Variants in PTPRT observed in about 807,000 individuals in gnomAD.
The protein encoded by PTPRT is protein tyrosine phosphatase receptor type T, also known as receptor-type tyrosine-protein phosphatase T.
Under a neutral mutation model 176.8 loss-of-function variants are expected in PTPRT, and 56 were observed. The ratio of observed to expected loss-of-function variants is 0.32; its 90% CI spans 0.26 to 0.40. The LOEUF (loss-of-function observed/expected upper bound fraction) is 0.40, where lower values mean the gene tolerates loss of function less well. Among genes scored for constraint, PTPRT ranks in the 10% least tolerant of loss-of-function variants. The pLI, the probability that PTPRT is intolerant of heterozygous loss-of-function variation, is 1.00. For missense variants in PTPRT, 1,540 were observed against 1,908.2 expected (o/e 0.81, Z 3.60); for synonymous variants, 783 against 739.0 (o/e 1.06, Z -0.96).
chr20:42,691,578 G>A (rs558359444), intron 6 of PTPRT, among the ~76,000 whole-genome samples: 59 of 152,250 alleles, frequency 3.9e-4, no homozygotes, highest in African/African-American at 1.4e-3. Flanking sequence ...GAGTTTAAGA[G>A]ATGACACCCT....
intron 15 of PTPRT, among the ~76,000 whole-genome samples, chr20:42,216,299 T>C (rs1362694086): frequency 6.6e-6 from 1 of 152,192 alleles, no homozygotes; most frequent in Admixed American, 6.5e-5. Context: ...TGCTAGACTA[T>C]AACCACAAGG....
chr20:42,823,001 C>G (rs1324493257), intron 2 of PTPRT, among the ~76,000 whole-genome samples: 2 of 152,044 alleles, frequency 1.3e-5, no homozygotes, highest in Non-Finnish European at 2.9e-5. Flanking sequence ...GATCTAGAGC[C>G]AGAAATACCA....
intron 7 of PTPRT, among the ~76,000 whole-genome samples, chr20:42,542,625 T>C (rs985061069): frequency 6.6e-6 from 1 of 152,202 alleles, no homozygotes; most frequent in Non-Finnish European, 1.5e-5. Context: ...CTATGGAAAT[T>C]ACATCTGCAA....
chr20:43,169,078 C>T (rs2014928630), intron 1 of PTPRT, among the ~76,000 whole-genome samples: 1 of 152,122 alleles, frequency 6.6e-6, no homozygotes, highest in Non-Finnish European at 1.5e-5. Flanking sequence ...GGTTTCAGGC[C>T]TTGCCCCAAC....
chr20:42,766,132 T>C (rs1460062133), intron 5 of PTPRT, among the ~76,000 whole-genome samples: 1 of 152,204 alleles, frequency 6.6e-6, no homozygotes, highest in Admixed American at 6.5e-5. Flanking sequence ...TGAATGTCAT[T>C]TTTTAAATGG....
At chr20:43,112,330 G>C (rs916560829) in intron 1 of PTPRT, among the ~76,000 whole-genome samples, 1 of 152,160 alleles carries the variant, frequency 6.6e-6, no homozygotes, top group Non-Finnish European at 1.5e-5. Context: ...CTATTGATGA[G>C]GGACTGCATT....
chr20:42,271,626 G>A (rs968614794), intron 13 of PTPRT, among the ~76,000 whole-genome samples: 1 of 152,176 alleles, frequency 6.6e-6, no homozygotes, highest in African/African-American at 2.4e-5. Flanking sequence ...ATGAAGAAAT[G>A]TTGAATCATA....
intron 11 of PTPRT, among the ~76,000 whole-genome samples, chr20:42,344,823 T>G (rs903724616): frequency 2.2e-4 from 34 of 152,156 alleles, no homozygotes; most frequent in African/African-American, 7.5e-4. Context: ...TCTCTCCTCA[T>G]CTCTCTGTCC....
intron 1 of PTPRT, among the ~76,000 whole-genome samples, chr20:42,886,896 G>A (rs2079112065): frequency 1.3e-5 from 2 of 152,292 alleles, no homozygotes; most frequent in Middle Eastern, 3.4e-3. Flanking sequence ...ATCTCCATGG[G>A]CGGAGGGCAG....
At position 42,075,423 on chromosome 20, in the gene PTPRT, C is replaced by T; in HGVS notation, c.*5456G>A. On this transcript the variant is annotated 3_prime_UTR_variant, in exon 31 of 31. Coordinates refer to ENST00000373187, the MANE Select transcript of PTPRT (RefSeq NM_007050.6). ...GTTGACATGACTTAGGAACAGCGTC[C>T]TGTTCATGCTTCCTCTTGGGCTCAC... is the stretch of plus-strand genomic sequence containing the variant. The T allele has an allele frequency of 4.4e-6, 1 of 227,332 alleles. No homozygotes were observed. Among genetic ancestry groups the T allele is most frequent in the Non-Finnish European group, 8.7e-6 (1 of 114,346 alleles). The allele number at this position is 227,332 out of a possible 1,614,324, so 14.1% of individuals were successfully genotyped here. A position where few individuals can be genotyped will look rare whatever the true frequency, so the allele number is the denominator to read the frequency against.
intron 6 of PTPRT, among the ~76,000 whole-genome samples, chr20:42,727,799 T>G (rs944778896): frequency 2.6e-5 from 4 of 152,190 alleles, no homozygotes; most frequent in African/African-American, 9.6e-5. Context: ...TTAAAACCTT[T>G]TAATGGTCTC....
chr20:42,472,003 T>C (rs934547132), intron 8 of PTPRT, among the ~76,000 whole-genome samples: 8 of 152,118 alleles, frequency 5.3e-5, no homozygotes, highest in African/African-American at 1.7e-4. Flanking sequence ...TACACTGGTA[T>C]AAAGCAAGAA....
intron 13 of PTPRT, among the ~76,000 whole-genome samples, chr20:42,260,131 A>G (rs568346894): frequency 6.6e-6 from 1 of 152,354 alleles, no homozygotes; most frequent in South Asian, 2.1e-4. Context: ...AGAAGTGTGC[A>G]CAGGAAAGGG....
intron 14 of PTPRT, among the ~76,000 whole-genome samples, chr20:42,241,657 G>T (rs996534633): frequency 1.3e-5 from 2 of 152,000 alleles, no homozygotes; most frequent in East Asian, 3.9e-4. Flanking sequence ...AAAATCAAAA[G>T]GTGATTAAAT....
intron 1 of PTPRT, among the ~76,000 whole-genome samples, chr20:43,091,210 G>A (rs1164508877): frequency 6.6e-6 from 1 of 152,026 alleles, no homozygotes; most frequent in Non-Finnish European, 1.5e-5. Context: ...TCCAGCCTGG[G>A]CGACGGAGAT....
At chr20:42,605,202 C>T (rs1010910197) in intron 7 of PTPRT, among the ~76,000 whole-genome samples, 5 of 152,182 alleles carry the variant, frequency 3.3e-5, no homozygotes, top group African/African-American at 4.8e-5. Context: ...AGGTGGGTCA[C>T]GTGGTCAGAG....
intron 1 of PTPRT, among the ~76,000 whole-genome samples, chr20:43,096,544 G>C (rs2012176674): frequency 1.3e-5 from 2 of 152,312 alleles, no homozygotes; most frequent in African/African-American, 4.8e-5. Context: ...GACAGAGGGG[G>C]TTCCTCCACT....
intron 1 of PTPRT, among the ~76,000 whole-genome samples, chr20:42,964,533 C>CA (rs11086855): frequency 0.73 from 111,047 of 151,950 alleles, 40,682 homozygotes; most frequent in Middle Eastern, 0.81. Context: ...CAGAAATCAA[C>CA]AAAATACAGT....
At chr20:42,055,263 C>T in the PTPRT span, among the ~76,000 whole-genome samples, 1 of 152,144 alleles carries the variant, frequency 6.6e-6, no homozygotes, top group South Asian at 2.1e-4. Flanking sequence ...AAGTTTTCCC[C>T]CAGTTTTTGT....
Sources: gnomAD v4.1 joint callset for allele counts (sites outside exome capture counted in the v4.1 genomes callset) on GRCh38, gnomAD v4.1.1 for gene constraint, MANE v1.5 for transcripts, NCBI Gene and HGNC (gene_info 2026-07-23, HGNC 2026-07-21) for gene names.